The following SDCBP2 variants were observed in gnomAD, a reference collection of about 807,000 sequenced individuals.
SDCBP2 encodes syndecan binding protein 2.
A neutral mutation model predicts 30.7 loss-of-function variants in SDCBP2; 28 were observed. The ratio of observed to expected loss-of-function variants is 0.91; its 90% CI spans 0.68 to 1.25. SDCBP2 has a LOEUF of 1.25. Ranked by LOEUF, SDCBP2 falls within the 50% of genes most tolerant of loss-of-function variation. The pLI, the probability that SDCBP2 is intolerant of heterozygous loss-of-function variation, is 0.00. For synonymous variants in SDCBP2, 166 were observed against 157.3 expected (o/e 1.06, Z -0.41); for missense variants, 399 against 379.0 (o/e 1.05, Z -0.44).
Position 1,319,596 on chromosome 20 carries a change from G to A in SDCBP2, c.118C>T (p.Pro40Ser). The A allele has an allele frequency of 6.4e-7, 1 of 1,568,798 alleles. No homozygotes were observed. The highest frequency in any genetic ancestry group is 8.7e-7 in the Non-Finnish European group (1 of 1,155,720). The change falls in exon 3 of 9, where the codon CCA becomes TCA. Residue 40 changes from proline to serine, a missense_variant. Coordinates refer to ENST00000360779, the MANE Select transcript of SDCBP2 (RefSeq NM_080489.5). ...CTCATCCCAGCCCACTCACCTGGTG[G>A]TGGGGAAATGGCTGTTGCCTGGACT... ...LPVQATAISP[P>S]PVLYPNLAEL...
intron 8 of SDCBP2, 121 bp from the exon 9 acceptor site, chr20:1,310,616 C>G: frequency 9.2e-7 from 1 of 1,085,944 alleles, no homozygotes; most frequent in Admixed American, 2.3e-5. Flanking sequence ...CTAAGACTTT[C>G]GAATCACCAG....
In SDCBP2 at chr20:1,320,528, C is replaced by G; in HGVS notation, c.-19-93G>C. 1.0e-6 allele frequency: 1 copy of G among 970,286 alleles called. No individual in the cohort carries two copies. Among genetic ancestry groups the G allele is most frequent in the Non-Finnish European group, 1.6e-6 (1 of 633,328 alleles). 60.1% of individuals were successfully genotyped at this position (970,286 alleles called of 1,614,324 possible). A position where few individuals can be genotyped will look rare whatever the true frequency, so the allele number is the denominator to read the frequency against. Reference sequence around the variant, plus strand: ...ATCCGCAACAGCAAGCGGGTTGGAACTTAATATTCAAACAGAAAGGCAGCA... The same window carrying G: ...ATCCGCAACAGCAAGCGGGTTGGAAGTTAATATTCAAACAGAAAGGCAGCA... On this transcript the variant is annotated intron_variant, in intron 1 of 8. Transcript: ENST00000360779. The surrounding 1 kb of genome is among the most constrained non-coding windows in gnomAD (Gnocchi z 4.7).
Position 1,310,391 on chromosome 20 carries a change from G to A in SDCBP2, c.*50C>T, listed in dbSNP as rs2088642245. 6.3e-7 allele frequency: 1 copy of A among 1,589,990 alleles called. No individual in the cohort carries two copies. The highest frequency in any genetic ancestry group is 1.1e-5 in the South Asian group (1 of 90,380). On this transcript the variant is annotated 3_prime_UTR_variant, in exon 9 of 9. Transcript: ENST00000360779. ...CATCATCCGAGGGTGGTTGCCCTTT[G>A]CTGCAGGAGGGCGGGAAGCCCCCCC...
chr20:1,312,167 G>C (rs2088682267), intron 7 of SDCBP2, among the ~76,000 whole-genome samples, 170 bp downstream of exon 7: 1 of 152,010 alleles, frequency 6.6e-6, no homozygotes, highest in Non-Finnish European at 1.5e-5. Context: ...CAAAGCACTG[G>C]GATTACAGAC....
intron 1 of SDCBP2, among the ~76,000 whole-genome samples, chr20:1,327,835 G>A (rs939831399): frequency 6.6e-6 from 1 of 152,226 alleles, no homozygotes; most frequent in Non-Finnish European, 1.5e-5. Context: ...TTGTTTCAGC[G>A]CTTACTTACT....
chr20:1,325,116 CTCCA>C (rs1408776096), intron 1 of SDCBP2, among the ~76,000 whole-genome samples: 2 of 152,194 alleles, frequency 1.3e-5, no homozygotes, highest in Admixed American at 6.5e-5. Flanking sequence ...AAGCCACAAA[CTCCA>C]TCCACCGCGC....
At chr20:1,310,950 AG>A in intron 7 of SDCBP2, 59 bp from the exon 8 acceptor site, 2 of 1,288,544 alleles carry the variant, frequency 1.6e-6, no homozygotes, top group African/African-American at 1.5e-5. Flanking sequence ...GCAACTCTAC[AG>A]GCCCCTCTGT....
intron 7 of SDCBP2, 39 bp downstream of exon 7, chr20:1,312,298 C>T: frequency 6.3e-7 from 1 of 1,598,336 alleles, no homozygotes; most frequent in Non-Finnish European, 8.5e-7. Flanking sequence ...AGCCCTCCCA[C>T]CACCCGGCAG....
chr20:1,313,199 TG>T lies in SDCBP2; in HGVS notation c.384+140del. The T allele has an allele frequency of 3.4e-6, 3 of 882,890 alleles. No homozygotes were observed. The highest frequency in any genetic ancestry group is 5.2e-6 in the Non-Finnish European group (3 of 572,592). The allele number at this position is 882,890 out of a possible 1,614,324, so 54.7% of individuals were successfully genotyped here. A position where few individuals can be genotyped will look rare whatever the true frequency, so the allele number is the denominator to read the frequency against. On this transcript the variant is annotated intron_variant, in intron 5 of 8. Coordinates refer to ENST00000360779, the MANE Select transcript of SDCBP2 (RefSeq NM_080489.5). This position sits in a 1 kb window ranked among gnomAD's most constrained non-coding sequence, Gnocchi z 5.2. Reference sequence around the variant, plus strand: ...CGCCCGGGTCTCGGGGAGGAGGGACTGGGGGCAAGAGCCTGGCCGCTGGGGT... The same window carrying T: ...CGCCCGGGTCTCGGGGAGGAGGGACTGGGGCAAGAGCCTGGCCGCTGGGGT...
At chr20:1,325,256 C>A (rs2088903513) in intron 1 of SDCBP2, 1 of 152,236 alleles carries the variant, frequency 6.6e-6, no homozygotes, top group African/African-American at 2.4e-5. Flanking sequence ...CCAAACCAGC[C>A]GGAAGCGACA....
intron 1 of SDCBP2, chr20:1,323,863 C>T (rs917794825): frequency 1.6e-4 from 24 of 151,744 alleles, no homozygotes; most frequent in African/African-American, 5.8e-4. Flanking sequence ...TTTCTGTCTA[C>T]AGTTGGTTGG....
At position 1,313,794 on chromosome 20, in the gene SDCBP2, T is replaced by A; in HGVS notation, c.226-296A>T. 3.6e-6 allele frequency: 1 copy of A among 274,168 alleles called. No individual in the cohort carries two copies. The highest frequency in any genetic ancestry group is 5.6e-6 in the Non-Finnish European group (1 of 179,364). The allele number at this position is 274,168 out of a possible 1,614,324, so 17.0% of individuals were successfully genotyped here. ...AACTGGCATCAGGAAAAGCCTCCTT[T>A]AAAACCCACTTAAAATAGAAAAAGT... On this transcript the variant is annotated intron_variant, in intron 4 of 8. Coordinates refer to ENST00000360779, the MANE Select transcript of SDCBP2 (RefSeq NM_080489.5). This position sits in a 1 kb window ranked among gnomAD's most constrained non-coding sequence, Gnocchi z 5.2.
intron 4 of SDCBP2, among the ~76,000 whole-genome samples, chr20:1,314,120 G>C (rs965020357): frequency 1.3e-5 from 2 of 152,082 alleles, no homozygotes; most frequent in Non-Finnish European, 2.9e-5. Context: ...CAAGGTCCTG[G>C]GATACAAAAT....
chr20:1,313,642 A>G lies in SDCBP2; in HGVS notation c.226-144T>C, dbSNP rs188218291. On this transcript the variant is annotated intron_variant, in intron 4 of 8. Coordinates refer to ENST00000360779, the MANE Select transcript of SDCBP2 (RefSeq NM_080489.5). This position sits in a 1 kb window ranked among gnomAD's most constrained non-coding sequence, Gnocchi z 5.2. Reference sequence around the variant, plus strand: ...CGTCCCCAGTCCACGCTTCTCCCCTAGGGGCGAGAGGAGACGTGGCTCCAC... The same window carrying G: ...CGTCCCCAGTCCACGCTTCTCCCCTGGGGGCGAGAGGAGACGTGGCTCCAC... 1,108 of 1,387,298 alleles carry G rather than the reference A, an allele frequency of 8.0e-4. 6 individuals are homozygous for G. In the African/African-American group the frequency reaches 0.015, roughly 18 times the overall value. The allele number at this position is 1,387,298 out of a possible 1,614,324, so 85.9% of individuals were successfully genotyped here.
chr20:1,310,532 C>T, intron 8 of SDCBP2, 37 bp from the exon 9 acceptor site: 5 of 1,604,940 alleles, frequency 3.1e-6, no homozygotes, highest in Non-Finnish European at 4.3e-6. Context: ...GTTGGCAGCT[C>T]CTTCTCTCCA....
intron 4 of SDCBP2, among the ~76,000 whole-genome samples, chr20:1,314,470 C>T (rs1264649603): frequency 2.1e-5 from 2 of 93,630 alleles, no homozygotes; most frequent in African/African-American, 8.7e-5. Flanking sequence ...GCCTAGGTGA[C>T]AGAGCAAGAC....
chr20:1,324,126 T>G lies in SDCBP2; in HGVS notation c.-19-3691A>C, dbSNP rs761443180. 3 of 152,276 alleles carry G rather than the reference T, an allele frequency of 2.0e-5. No individual in the cohort carries two copies. The highest frequency in any genetic ancestry group is 7.2e-5 in the African/African-American group (3 of 41,454). 9.4% of individuals were successfully genotyped at this position (152,276 alleles called of 1,614,324 possible). On this transcript the variant is annotated intron_variant, in intron 1 of 8. Coordinates refer to ENST00000360779, the MANE Select transcript of SDCBP2 (RefSeq NM_080489.5). This position sits in a 1 kb window ranked among gnomAD's most constrained non-coding sequence, Gnocchi z 4.7. ...CTCTGCTTGGCTTTTCCAGACTGCA[T>G]GATACCCAGGCTGCCTGGCTGGGTC...
intron 8 of SDCBP2, 48 bp from the exon 9 acceptor site, chr20:1,310,543 C>A (rs745445604): frequency 6.3e-7 from 1 of 1,581,338 alleles, no homozygotes; most frequent in Non-Finnish European, 8.7e-7. Flanking sequence ...CTTCTCTCCA[C>A]CCTCCAGCAA....
chr20:1,312,662 C>A lies in SDCBP2; in HGVS notation c.485G>T (p.Gly162Val). The change falls in exon 6 of 9, where the codon GGG becomes GTG. Residue 162 changes from glycine to valine, a missense_variant. Physicochemically the swap from Gly to Val is moderately radical, Grantham distance 109. Transcript: ENST00000360779. ...LLQIDGRDCA[G>V]WSSHKAHQVV... ...CTGATGGGCTTTGTGCGAGCTCCAC[C>A]CAGCACAGTCACGCCCGTCAATCTG... The A allele has an allele frequency of 6.2e-7, 1 of 1,614,188 alleles. No individual in the cohort carries two copies. Among genetic ancestry groups the A allele is most frequent in the Non-Finnish European group, 8.5e-7 (1 of 1,180,038 alleles).
Sources: allele counts gnomAD v4.1 joint callset (sites outside exome capture counted in the v4.1 genomes callset), GRCh38; gene constraint gnomAD v4.1.1; non-coding constraint Gnocchi (gnomAD v3.1); transcripts MANE v1.5; gene names NCBI Gene and HGNC (gene_info 2026-07-23, HGNC 2026-07-21).